Variants in NSUN2 observed in about 807,000 individuals in gnomAD.
The protein encoded by NSUN2 is RNA cytosine C(5)-methyltransferase NSUN2.
In NSUN2, 63 loss-of-function variants were observed where a neutral mutation model predicts 92.7. The ratio of observed to expected loss-of-function variants is 0.68; its 90% CI spans 0.56 to 0.84. NSUN2 has a LOEUF of 0.84. Among genes scored for constraint, NSUN2 ranks in the 40% least tolerant of loss-of-function variants. The pLI is 0.00. For missense variants in NSUN2, 989 were observed against 964.9 expected, an observed-to-expected ratio of 1.02 and a Z score of -0.33; for synonymous variants, 356 against 348.3, an observed-to-expected ratio of 1.02 and a Z score of -0.25.
Position 6,600,064 on chromosome 5 carries a change from T to C in NSUN2, c.2166A>G (p.Ala722=), listed in dbSNP as rs775417131. 1.9e-6 allele frequency: 3 copies of C among 1,614,258 alleles called. No individual in the cohort carries two copies. Among genetic ancestry groups the C allele is most frequent in the African/African-American group, 2.7e-5 (2 of 75,066 alleles). ...KEGVILTNES[A]ASTGQPDNDV... ...CATTGTCTGGCTGTCCGGTGCTGGCTGCACTCTCATTTGTGAGGATAACCC... is the reference window on the plus strand; with the variant it reads ...CATTGTCTGGCTGTCCGGTGCTGGCCGCACTCTCATTTGTGAGGATAACCC... Residue 722 remains alanine, a synonymous_variant, in exon 19 of 19, where the codon GCA becomes GCG. Transcript: ENST00000264670.
At chr5:6,612,586 T>A (rs1737045780) in intron 9 of NSUN2, among the ~76,000 whole-genome samples, 1 of 152,036 alleles carries the variant, frequency 6.6e-6, no homozygotes, top group African/African-American at 2.4e-5. Flanking sequence ...AGAGGAAAAT[T>A]CAACAAATCT....
At chr5:6,616,070 G>A (rs1560978783) in intron 9 of NSUN2, among the ~76,000 whole-genome samples, 2 of 152,150 alleles carry the variant, frequency 1.3e-5, no homozygotes, top group South Asian at 2.1e-4. Context: ...CGCAGCCACT[G>A]TGAAAAAAAG....
chr5:6,614,938 T>C (rs1224282734), intron 9 of NSUN2, among the ~76,000 whole-genome samples: 1 of 151,830 alleles, frequency 6.6e-6, no homozygotes, highest in Non-Finnish European at 1.5e-5. Flanking sequence ...TGGCTTTTGG[T>C]CCCAGCCAAA....
chr5:6,613,694 T>C (rs568340571), intron 9 of NSUN2, among the ~76,000 whole-genome samples: 40 of 152,314 alleles, frequency 2.6e-4, no homozygotes, highest in South Asian at 6.2e-4. Flanking sequence ...ATCTGCTCTA[T>C]TGGTAATAAA....
chr5:6,617,105 T>C (rs916946559), intron 8 of NSUN2, among the ~76,000 whole-genome samples: 59 of 152,094 alleles, frequency 3.9e-4, no homozygotes, highest in Non-Finnish European at 8.4e-4. Flanking sequence ...ACCAGCAGAG[T>C]ATAAAGTTCA....
intron 3 of NSUN2, among the ~76,000 whole-genome samples, chr5:6,628,059 C>T (rs1033546963): frequency 4.6e-5 from 7 of 152,152 alleles, no homozygotes; most frequent in South Asian, 2.1e-4. Flanking sequence ...TTAAAAAGCA[C>T]GTAACAGGCG....
At chr5:6,626,010 G>C (rs1195133660) in intron 3 of NSUN2, among the ~76,000 whole-genome samples, 1 of 152,134 alleles carries the variant, frequency 6.6e-6, no homozygotes, top group African/African-American at 2.4e-5. Flanking sequence ...CAATGGTAAG[G>C]TCATCAGAAA....
chr5:6,623,178 C>T (rs1444800860), intron 5 of NSUN2, 36 bp downstream of exon 5: 1 of 1,560,012 alleles, frequency 6.4e-7, no homozygotes. Context: ...TGGTAACAAG[C>T]TGCCCGCCCC....
intron 3 of NSUN2, 84 bp from the exon 4 acceptor site, chr5:6,625,753 G>A (rs978850186): frequency 6.8e-6 from 6 of 888,720 alleles, no homozygotes; most frequent in Non-Finnish European, 1.1e-5. Context: ...TCAGTCGCAT[G>A]CCAAATGAGA....
chr5:6,625,626 T>C lies in NSUN2; in HGVS notation c.403A>G (p.Ile135Val). 2.5e-6 allele frequency: 4 copies of C among 1,614,178 alleles called. No homozygotes were observed. The highest frequency in any genetic ancestry group is 3.4e-6 in the Non-Finnish European group (4 of 1,180,010). Reference sequence around the variant, plus strand: ...TCCAAGTGTGGCGATTTTCTCAAGATTTTTCGACTTAAATTTGTGTGCCAG... The same window carrying C: ...TCCAAGTGTGGCGATTTTCTCAAGACTTTTCGACTTAAATTTGTGTGCCAG... ...LAWHTNLSRK[I>V]LRKSPHLEKF... The change falls in exon 4 of 19, where the codon ATC becomes GTC. Residue 135 changes from isoleucine to valine, a missense_variant. By Grantham distance (29) the Ile-to-Val change is conservative. This residue lies in a region of NSUN2 where 356 missense variants were observed against 338.6 expected (regional missense o/e 1.05). Transcript: ENST00000264670.
At position 6,610,978 on chromosome 5, in the gene NSUN2, C is replaced by T; in HGVS notation, c.1203G>A (p.Leu401=). The change falls in exon 11 of 19, where the codon CTG becomes CTA. Residue 401 remains leucine (L), a synonymous_variant. Coordinates refer to ENST00000264670, the MANE Select transcript of NSUN2 (RefSeq NM_017755.6). The part of the protein sequence containing the change: ...TMFPPKDPEK[L]QAMHLERCLR... ...ACCATCGCTCCAGGTGCATGGCCTG[C>T]AGCTTTTCTGGGTCCTTCGGAGGGA... 2 of 1,614,150 alleles carry T rather than the reference C, an allele frequency of 1.2e-6. No homozygotes were observed. Among genetic ancestry groups the T allele is most frequent in the African/African-American group, 1.3e-5 (1 of 75,046 alleles).
intron 3 of NSUN2, among the ~76,000 whole-genome samples, chr5:6,626,539 T>C (rs775022634): frequency 6.6e-6 from 1 of 152,114 alleles, no homozygotes; most frequent in Non-Finnish European, 1.5e-5. Flanking sequence ...AGTAGAGATG[T>C]GGTTTTGCCG....
At chr5:6,619,210 T>C (rs1460063819) in intron 7 of NSUN2, among the ~76,000 whole-genome samples, 2 of 152,222 alleles carry the variant, frequency 1.3e-5, no homozygotes, top group African/African-American at 4.8e-5. Context: ...AAATTTTACT[T>C]TAAAGAGGGC....
intron 9 of NSUN2, among the ~76,000 whole-genome samples, chr5:6,615,262 T>C (rs909903876): frequency 2.6e-5 from 4 of 152,206 alleles, no homozygotes; most frequent in African/African-American, 9.7e-5. Flanking sequence ...ATTTTCTTTC[T>C]CAGGGATCTG....
In NSUN2 at chr5:6,632,905, A is replaced by C. The variant is rs1321911391; in HGVS notation, c.75T>G (p.Gly25=). 6.6e-7 allele frequency: 1 copy of C among 1,525,560 alleles called. No individual in the cohort carries two copies. The highest frequency in any genetic ancestry group is 2.6e-5 in the East Asian group (1 of 39,180). The allele number at this position is 1,525,560 out of a possible 1,614,324, so 94.5% of individuals were successfully genotyped here. A position where few individuals can be genotyped will look rare whatever the true frequency, so the allele number is the denominator to read the frequency against. ...RPEDAEDGAE[G]GGKRGEAGWE... is the part of the protein sequence containing the mutation. ...CTACCGCCTCGCCGCGCTTTCCACC[A>C]CCCTCGGCGCCATCCTCCGCGTCCT... The change falls in exon 1 of 19, where the codon GGT becomes GGG. Residue 25 remains glycine, a synonymous_variant. Transcript: ENST00000264670.
In NSUN2 at chr5:6,625,548, A is replaced by G. The variant is rs764335747; in HGVS notation, c.465+16T>C. On this transcript the variant is annotated intron_variant, in intron 4 of 18. Coordinates refer to ENST00000264670, the MANE Select transcript of NSUN2 (RefSeq NM_017755.6). ...CAGCTTTAAGGAAACTAGCAAGTCTAAAGAAATCAACTTACAGATTCTGTT... is the reference window on the plus strand; with the variant it reads ...CAGCTTTAAGGAAACTAGCAAGTCTGAAGAAATCAACTTACAGATTCTGTT... 6.3e-7 allele frequency: 1 copy of G among 1,585,786 alleles called. No homozygotes were observed. Among genetic ancestry groups the G allele is most frequent in the Non-Finnish European group, 8.7e-7 (1 of 1,154,572 alleles).
chr5:6,632,497 A>T (rs773258142), intron 2 of NSUN2, 102 bp downstream of exon 2: 11 of 1,375,710 alleles, frequency 8.0e-6, no homozygotes, highest in Non-Finnish European at 1.1e-5. Flanking sequence ...CTGAAACGCC[A>T]CGGTTCTCTG....
At chr5:6,607,416 A>T (rs374492277) in intron 12 of NSUN2, 32 bp from the exon 13 acceptor site, 1 of 1,576,688 alleles carries the variant, frequency 6.3e-7, no homozygotes, top group Non-Finnish European at 8.7e-7. Flanking sequence ...TTGACACACA[A>T]AGAGGAGCAT....
chr5:6,614,095 GAA>G (rs70937111), intron 9 of NSUN2, among the ~76,000 whole-genome samples: 77 of 34,666 alleles, frequency 2.2e-3, no homozygotes, highest in African/African-American at 0.01. Context: ...GACTGTCTCG[GAA>G]AAAAAAAAAA....
Sources: gnomAD v4.1 joint callset for allele counts (sites outside exome capture counted in the v4.1 genomes callset) on GRCh38, gnomAD v4.1.1 for gene constraint, gnomAD v4.1.1 regional missense constraint, MANE v1.5 for transcripts, NCBI Gene and HGNC (gene_info 2026-07-23, HGNC 2026-07-21) for gene names.